The following CDK14 variants were observed in gnomAD, a reference collection of about 807,000 sequenced individuals.
CDK14 encodes cyclin-dependent kinase 14.
CDK14 carries 34 observed loss-of-function variants against 60.7 expected under a neutral mutation model. The observed-to-expected ratio is 0.56, with a 90% CI of 0.43 to 0.75. The LOEUF is 0.75. CDK14 is among the 30% of genes least tolerant of loss of function. CDK14 has a pLI of 0.00. For missense variants in CDK14, 482 were observed against 564.1 expected (o/e 0.85, Z 1.47); for synonymous variants, 197 against 203.7 (o/e 0.97, Z 0.28).
intron 2 of CDK14, among the ~76,000 whole-genome samples, chr7:90,677,368 A>G (rs1801223740): frequency 6.6e-6 from 1 of 152,264 alleles, no homozygotes; most frequent in African/African-American, 2.4e-5. Flanking sequence ...TTTCATACTA[A>G]TTTTCACTTT....
chr7:90,979,135 T>C (rs917594108), intron 9 of CDK14, among the ~76,000 whole-genome samples: 2 of 152,168 alleles, frequency 1.3e-5, no homozygotes, highest in Non-Finnish European at 1.5e-5. Context: ...GTGGTTGTTT[T>C]TCATTAAAGC....
intron 4 of CDK14, among the ~76,000 whole-genome samples, chr7:90,750,798 G>A (rs200454023): frequency 6.6e-6 from 1 of 151,882 alleles, no homozygotes; most frequent in Non-Finnish European, 1.5e-5. Context: ...GCTTGAACCT[G>A]CGAGGCGGAG....
At chr7:91,088,587 G>GTGTT (rs1562899202) in intron 12 of CDK14, among the ~76,000 whole-genome samples, 2 of 151,610 alleles carry the variant, frequency 1.3e-5, no homozygotes, top group Non-Finnish European at 1.5e-5. Context: ...GTGTGTGTGT[G>GTGTT]TGTGTGGTTA....
At chr7:91,149,761 G>GA (rs1800778222) in intron 14 of CDK14, among the ~76,000 whole-genome samples, 1 of 152,196 alleles carries the variant, frequency 6.6e-6, no homozygotes, top group Non-Finnish European at 1.5e-5. Flanking sequence ...TCACTGTACA[G>GA]AATTAACTAG....
intron 6 of CDK14, among the ~76,000 whole-genome samples, chr7:90,895,447 TCCC>T (rs1304022731): frequency 2.0e-4 from 2 of 9,978 alleles, no homozygotes; most frequent in African/African-American, 3.7e-4. Context: ...TCTCCTCCCC[TCCC>T]CTCCCCTCCC....
intron 9 of CDK14, among the ~76,000 whole-genome samples, chr7:90,957,548 T>C (rs975864933): frequency 6.6e-6 from 1 of 151,814 alleles, no homozygotes; most frequent in Admixed American, 6.6e-5. Flanking sequence ...AGCATTCTTA[T>C]ACACCAACAA....
At chr7:90,830,465 C>T (rs1021052257) in intron 5 of CDK14, among the ~76,000 whole-genome samples, 4 of 152,196 alleles carry the variant, frequency 2.6e-5, no homozygotes, top group African/African-American at 9.6e-5. Context: ...AGTCATTTTT[C>T]CCTCCTAGGC....
At chr7:90,736,848 A>G (rs1191177928) in intron 3 of CDK14, among the ~76,000 whole-genome samples, 1 of 152,124 alleles carries the variant, frequency 6.6e-6, no homozygotes, top group Non-Finnish European at 1.5e-5. Context: ...CATACAGGCC[A>G]TTATATATTA....
chr7:91,154,325 C>T (rs372023368), intron 14 of CDK14, among the ~76,000 whole-genome samples: 1 of 151,564 alleles, frequency 6.6e-6, no homozygotes, highest in Non-Finnish European at 1.5e-5. Flanking sequence ...TTGTGTTTGG[C>T]CAACCATTGA....
intron 10 of CDK14, among the ~76,000 whole-genome samples, chr7:91,023,714 C>T (rs191611203): frequency 1.3e-5 from 2 of 152,232 alleles, no homozygotes; most frequent in Non-Finnish European, 2.9e-5. Context: ...CAGGTGTTAT[C>T]ATTATCCCAT....
intron 7 of CDK14, among the ~76,000 whole-genome samples, chr7:90,916,919 T>A (rs1276190448): frequency 6.6e-6 from 1 of 152,166 alleles, no homozygotes; most frequent in Non-Finnish European, 1.5e-5. Flanking sequence ...TACTCTCGAG[T>A]TCTTGACTTT....
intron 13 of CDK14, 141 bp downstream of exon 13, chr7:91,112,822 GGTGT>G (rs112066860): frequency 1.6e-3 from 1,072 of 682,722 alleles, no homozygotes; most frequent in South Asian, 3.9e-3. Flanking sequence ...GTGCATTACA[GGTGT>G]GTGTGTGTGT....
intron 10 of CDK14, among the ~76,000 whole-genome samples, chr7:91,020,558 A>G (rs909961459): frequency 7.9e-5 from 12 of 152,234 alleles, no homozygotes; most frequent in African/African-American, 2.9e-4. Context: ...AAAAATTAAG[A>G]CAAGCGAAAT....
At chr7:90,729,372 C>CTTTT (rs1334959163) in intron 3 of CDK14, among the ~76,000 whole-genome samples, 1 of 93,536 alleles carries the variant, frequency 1.1e-5, no homozygotes, top group East Asian at 3.5e-4. Flanking sequence ...TTTTTTTTTT[C>CTTTT]CCCACTCATC....
intron 10 of CDK14, among the ~76,000 whole-genome samples, chr7:91,040,535 T>C (rs144594310): frequency 1.3e-5 from 2 of 152,358 alleles, no homozygotes; most frequent in African/African-American, 2.4e-5. Flanking sequence ...TAGGTTGTTC[T>C]GAAGTCCCTT....
intron 14 of CDK14, among the ~76,000 whole-genome samples, chr7:91,191,224 A>T (rs1584195828): frequency 6.6e-6 from 1 of 152,104 alleles, no homozygotes; most frequent in South Asian, 2.1e-4. Flanking sequence ...ATCATGAAAG[A>T]TCACTTACCA....
In CDK14 at chr7:90,948,540, A is replaced by T. The variant is rs547816466; in HGVS notation, c.827-7157A>T. ...ACTTAAAGTTAACCTAGTCTGTCCC[A>T]GGAGTCAGCAAACTTTTTCTTACAG... On this transcript the variant is annotated intron_variant, in intron 8 of 14. Coordinates refer to ENST00000380050, the MANE Select transcript of CDK14 (RefSeq NM_001287135.2). Among the ~76,000 whole-genome samples the T allele has an allele frequency of 8.5e-5, 13 of 152,382 alleles. No homozygotes were observed. The East Asian group carries it at 2.5e-3, about 29-fold the overall frequency.
At position 90,984,299 on chromosome 7, in the gene CDK14, A is replaced by G. The variant is rs574397057; in HGVS notation, c.1041+58A>G. 1.6e-5 allele frequency: 16 copies of G among 1,014,304 alleles called. No homozygotes were observed. In the Admixed American group the frequency reaches 2.8e-4, roughly 18 times the overall value. The allele number at this position is 1,014,304 out of a possible 1,614,324, so 62.8% of individuals were successfully genotyped here. A position where few individuals can be genotyped will look rare whatever the true frequency, so the allele number is the denominator to read the frequency against. On this transcript the variant is annotated intron_variant, in intron 10 of 14. Coordinates refer to ENST00000380050, the MANE Select transcript of CDK14 (RefSeq NM_001287135.2). ...TTGGTTTCTAATTAGTCACTTAGTG[A>G]CAAATTCTACAGCAGTCTGTGGAAA...
chr7:91,095,539 A>T (rs571049235), intron 12 of CDK14, among the ~76,000 whole-genome samples: 1 of 152,222 alleles, frequency 6.6e-6, no homozygotes, highest in East Asian at 1.9e-4. Context: ...AATTCTCATT[A>T]TTTTATTGTA....
Sources: gnomAD v4.1 joint callset for allele counts (sites outside exome capture counted in the v4.1 genomes callset) on GRCh38, gnomAD v4.1.1 for gene constraint, MANE v1.5 for transcripts, NCBI Gene and HGNC (gene_info 2026-07-23, HGNC 2026-07-21) for gene names.